UNC5D: variants seen among roughly 807,000 people sequenced by gnomAD.
UNC5D encodes the protein netrin receptor UNC5D.
In UNC5D, 39 loss-of-function variants were observed where a neutral mutation model predicts 105.4. The ratio of observed to expected loss-of-function variants is 0.37; its 90% confidence interval spans 0.29 to 0.48. UNC5D has a LOEUF of 0.48. Ranked by LOEUF, UNC5D falls within the 20% of genes least tolerant of loss-of-function variation. The pLI, the probability that UNC5D is intolerant of heterozygous loss-of-function variation, is 0.98. For synonymous variants in UNC5D, 452 were observed against 450.4 expected (o/e 1.00, Z -0.04); for missense variants, 991 against 1,202.4 (o/e 0.82, Z 2.60).
chr8:35,378,204 A>G (rs961167387), intron 1 of UNC5D, among the ~76,000 whole-genome samples: 3 of 152,200 alleles, frequency 2.0e-5, no homozygotes, highest in Non-Finnish European at 2.9e-5. Context: ...TATGATGTAC[A>G]CATGATTTTT....
At chr8:35,607,627 T>A (rs1388192242) in intron 4 of UNC5D, among the ~76,000 whole-genome samples, 1 of 152,152 alleles carries the variant, frequency 6.6e-6, no homozygotes, top group Non-Finnish European at 1.5e-5. Flanking sequence ...CCCATGCTGG[T>A]CTCATGATAG....
chr8:35,709,235 A>G (rs943509243), intron 8 of UNC5D, among the ~76,000 whole-genome samples: 2 of 152,244 alleles, frequency 1.3e-5, no homozygotes, highest in Non-Finnish European at 2.9e-5. Flanking sequence ...TTCTCCTTCT[A>G]TCAAGCTTAC....
chr8:35,417,658 A>G (rs1170687438), intron 1 of UNC5D, among the ~76,000 whole-genome samples: 6 of 152,188 alleles, frequency 3.9e-5, no homozygotes, highest in African/African-American at 1.2e-4. Flanking sequence ...TGTTACACCA[A>G]TAAATTTTCT....
At chr8:35,731,438 T>C (rs896187888) in intron 11 of UNC5D, among the ~76,000 whole-genome samples, 5 of 146,886 alleles carry the variant, frequency 3.4e-5, no homozygotes, top group Non-Finnish European at 6.0e-5. Flanking sequence ...AAGGGCATTT[T>C]AAATATGGAC....
Position 35,455,880 on chromosome 8 carries a change from T to C in UNC5D, c.104-93412T>C, listed in dbSNP as rs190830896. On this transcript the variant is annotated intron_variant, in intron 1 of 16. Coordinates refer to ENST00000404895, the MANE Select transcript of UNC5D (RefSeq NM_080872.4). ...TGGGGAAAACTACCCCAGGATTCAA[T>C]TATGTCCTGCTGGGGCCCTCCCACA... Among the ~76,000 whole-genome samples, 407 of 152,160 alleles carry C rather than the reference T, an allele frequency of 2.7e-3. 2 individuals carry two copies. Among genetic ancestry groups the C allele is most frequent in the African/African-American group, 9.4e-3 (391 of 41,562 alleles).
chr8:35,252,532 C>T (rs1803778051), intron 1 of UNC5D, among the ~76,000 whole-genome samples: 1 of 152,074 alleles, frequency 6.6e-6, no homozygotes, highest in Admixed American at 6.5e-5. Flanking sequence ...TATTCTTCAG[C>T]AGTTTGTTTT....
rs975317423 is a variant in UNC5D at position 35,340,562 on chromosome 8, A to G, written c.103+104675A>G. Among the ~76,000 whole-genome samples the G allele has an allele frequency of 3.9e-5, 6 of 152,162 alleles. 1 individual carries two copies. Among genetic ancestry groups the G allele is most frequent in the Admixed American group, 2.6e-4 (4 of 15,274 alleles). On this transcript the variant is annotated intron_variant, in intron 1 of 16. Coordinates refer to ENST00000404895, the MANE Select transcript of UNC5D (RefSeq NM_080872.4). ...GAAGGTTTGGAATCTTCCATTTGCA[A>G]CTTACAGAAAAATCATCTCTCCTTT...
At chr8:35,246,535 T>C (rs548702114) in intron 1 of UNC5D, among the ~76,000 whole-genome samples, 1 of 152,252 alleles carries the variant, frequency 6.6e-6, no homozygotes, top group Non-Finnish European at 1.5e-5. Flanking sequence ...TAGCTCACCA[T>C]TGCTCAGTTG....
At chr8:35,564,465 G>A (rs1817185996) in intron 2 of UNC5D, among the ~76,000 whole-genome samples, 1 of 152,110 alleles carries the variant, frequency 6.6e-6, no homozygotes, top group African/African-American at 2.4e-5. Flanking sequence ...CTTTAAAGGA[G>A]CTCATCGACC....
intron 4 of UNC5D, among the ~76,000 whole-genome samples, chr8:35,662,671 AG>A (rs1230848583): frequency 6.6e-6 from 1 of 152,216 alleles, no homozygotes; most frequent in East Asian, 1.9e-4. Context: ...AAAAATGAAT[AG>A]CTCACAGCTC....
In UNC5D at chr8:35,315,908, T is replaced by A. The variant is rs577107766; in HGVS notation, c.103+80021T>A. Among the ~76,000 whole-genome samples, 56 of 152,234 alleles carry A rather than the reference T, an allele frequency of 3.7e-4. No homozygotes were observed. The South Asian group carries it at 0.011, about 30-fold the overall frequency. On this transcript the variant is annotated intron_variant, in intron 1 of 16. Transcript: ENST00000404895. ...AAATAGATACAGACCATGAACAACA[T>A]CGTATGCTATTGTAAGAAGTTGGGA...
intron 14 of UNC5D, among the ~76,000 whole-genome samples, chr8:35,764,884 T>C (rs1334542919): frequency 6.6e-6 from 1 of 152,182 alleles, no homozygotes; most frequent in Non-Finnish European, 1.5e-5. Context: ...AATAATGTCT[T>C]CAAGGATTGT....
intron 7 of UNC5D, among the ~76,000 whole-genome samples, chr8:35,701,692 T>C (rs907117814): frequency 1.3e-5 from 2 of 152,096 alleles, no homozygotes; most frequent in African/African-American, 4.8e-5. Context: ...CTTACAGTAC[T>C]AAGTGACAAA....
intron 1 of UNC5D, among the ~76,000 whole-genome samples, chr8:35,468,675 T>C (rs1404456972): frequency 6.6e-6 from 1 of 152,336 alleles, no homozygotes; most frequent in African/African-American, 2.4e-5. Context: ...CAGCACTAAC[T>C]ACTTTATCAC....
At chr8:35,374,916 C>A (rs761742754) in intron 1 of UNC5D, among the ~76,000 whole-genome samples, 12 of 152,216 alleles carry the variant, frequency 7.9e-5, no homozygotes, top group Non-Finnish European at 1.2e-4. Context: ...TTCACATAAA[C>A]GAACTTTCTA....
chr8:35,460,421 A>T (rs552242400), intron 1 of UNC5D, among the ~76,000 whole-genome samples: 1 of 152,310 alleles, frequency 6.6e-6, no homozygotes, highest in African/African-American at 2.4e-5. Context: ...ATGCTGCAAC[A>T]TAAAATGTAA....
chr8:35,351,892 T>G (rs1477393788), intron 1 of UNC5D, among the ~76,000 whole-genome samples: 4 of 152,118 alleles, frequency 2.6e-5, no homozygotes, highest in Admixed American at 2.6e-4. Flanking sequence ...GGCATGGATA[T>G]AGAAGGTAGA....
intron 4 of UNC5D, among the ~76,000 whole-genome samples, chr8:35,662,203 A>AAC (rs1265475155): frequency 4.6e-5 from 7 of 151,610 alleles, no homozygotes; most frequent in African/African-American, 1.7e-4. Flanking sequence ...AAAAAAAAAA[A>AAC]ACTGTGCGTA....
At chr8:35,627,038 T>G (rs897622334) in intron 4 of UNC5D, among the ~76,000 whole-genome samples, 1 of 152,188 alleles carries the variant, frequency 6.6e-6, no homozygotes, top group Non-Finnish European at 1.5e-5. Context: ...AGAAACTAAT[T>G]CCACCAACAC....
Sources: gnomAD v4.1 joint callset for allele counts (sites outside exome capture counted in the v4.1 genomes callset) on GRCh38, gnomAD v4.1.1 for gene constraint, MANE v1.5 for transcripts, NCBI Gene and HGNC (gene_info 2026-07-23, HGNC 2026-07-21) for gene names.